AHCTF1: variants seen among roughly 807,000 people sequenced by gnomAD.
AHCTF1 encodes the protein protein ELYS.
In AHCTF1, 24 loss-of-function variants were observed where a neutral mutation model predicts 248.4. The ratio of observed to expected loss-of-function variants is 0.10; its 90% CI spans 0.07 to 0.14. The LOEUF is 0.14. Among genes scored for constraint, AHCTF1 ranks in the 10% least tolerant of loss-of-function variants. The pLI is 1.00. For synonymous variants in AHCTF1, 786 were observed against 929.8 expected (o/e 0.85, Z 2.81); for missense variants, 2,206 against 2,636.2 (o/e 0.84, Z 3.57).
rs1238920651 is a variant in AHCTF1 at position 246,857,733 on chromosome 1, T to C, written c.4214A>G (p.Gln1405Arg). 3 of 1,613,916 alleles carry C rather than the reference T, an allele frequency of 1.9e-6. No homozygotes were observed. The highest frequency in any genetic ancestry group is 2.5e-6 in the Non-Finnish European group (3 of 1,179,988). Residue 1405 changes from glutamine (Q) to arginine (R), a missense_variant, in exon 30 of 36, where the codon CAA becomes CGA. Gln to Arg is a conservative substitution (Grantham distance 43). Around this residue, in one of 6 missense-constraint regions of AHCTF1, gnomAD observed 955 missense variants for 1,055.6 expected, o/e 0.90. Coordinates refer to ENST00000648844, the MANE Select transcript of AHCTF1 (RefSeq NM_001323342.2). ...FSELNHLSPV[Q>R]GTEASLCAPS... ...TGCACAAAGAGAAGCTTCAGTTCCT[T>C]GAACCGGGCTTAAGTGATTCAATTC...
chr1:246,863,771 T>G (rs1360267447), intron 27 of AHCTF1, among the ~76,000 whole-genome samples, 153 bp downstream of exon 27: 1 of 152,310 alleles, frequency 6.6e-6, no homozygotes. Context: ...ATTAGCTCCG[T>G]TTTTAGAAGA....
chr1:246,893,373 C>T (rs1238100188), intron 14 of AHCTF1, among the ~76,000 whole-genome samples: 2 of 152,212 alleles, frequency 1.3e-5, no homozygotes, highest in Admixed American at 6.5e-5. Flanking sequence ...AATAACTTAA[C>T]TTACATTGTG....
chr1:246,925,547 G>A (rs962070954), intron 1 of AHCTF1, among the ~76,000 whole-genome samples: 3 of 152,204 alleles, frequency 2.0e-5, no homozygotes, highest in African/African-American at 7.2e-5. Flanking sequence ...TTAAGACCAG[G>A]AGTTGTAGGT....
chr1:246,921,605 T>C (rs1187292621), intron 1 of AHCTF1, among the ~76,000 whole-genome samples: 1 of 152,114 alleles, frequency 6.6e-6, no homozygotes, highest in East Asian at 1.9e-4. Context: ...AAGCAATATA[T>C]TTCCCAGATT....
chr1:246,906,306 G>A (rs1572447695), intron 5 of AHCTF1, among the ~76,000 whole-genome samples: 1 of 152,128 alleles, frequency 6.6e-6, no homozygotes, highest in Admixed American at 6.5e-5. Flanking sequence ...GCAGCCGGGC[G>A]TGGTAGCTCA....
At chr1:246,851,555 A>G in intron 32 of AHCTF1, 113 bp from the exon 33 acceptor site, 1 of 907,176 alleles carries the variant, frequency 1.1e-6, no homozygotes, top group Non-Finnish European at 1.6e-6. Context: ...CATAAATTAT[A>G]TTTAATATGG....
chr1:246,839,422 C>G lies in AHCTF1; in HGVS notation c.*1384G>C, dbSNP rs1470564840. 2.5e-6 allele frequency: 1 copy of G among 394,372 alleles called. No individual in the cohort carries two copies. The highest frequency in any genetic ancestry group is 1.6e-4 in the East Asian group (1 of 6,280). The allele number at this position is 394,372 out of a possible 1,614,324, so 24.4% of individuals were successfully genotyped here. Reference sequence around the variant, plus strand: ...AGTTCATTTAAATAAGTTCAATATTCCATAAATGACAAGCAGCTTAAATAC... The same window carrying G: ...AGTTCATTTAAATAAGTTCAATATTGCATAAATGACAAGCAGCTTAAATAC... On this transcript the variant is annotated 3_prime_UTR_variant, in exon 36 of 36. Coordinates refer to ENST00000648844, the MANE Select transcript of AHCTF1 (RefSeq NM_001323342.2).
Position 246,843,930 on chromosome 1 carries a change from T to C in AHCTF1, c.6392-2A>G. The stretch of plus-strand genomic sequence containing the variant: ...GTGCAGGAACCTCTATTTTTTTAGC[T>C]AAAAAAAGTTGAAAAAACTGTATCT... On this transcript the variant is annotated splice_acceptor_variant, in intron 33 of 35. Coordinates refer to ENST00000648844, the MANE Select transcript of AHCTF1 (RefSeq NM_001323342.2). LOFTEE classifies it high-confidence loss of function. The C allele has an allele frequency of 7.0e-7, 1 of 1,437,706 alleles. No homozygotes were observed. Among genetic ancestry groups the C allele is most frequent in the Admixed American group, 2.5e-5 (1 of 39,340 alleles). The allele number at this position is 1,437,706 out of a possible 1,614,324, so 89.1% of individuals were successfully genotyped here.
intron 1 of AHCTF1, among the ~76,000 whole-genome samples, chr1:246,930,029 G>GC (rs1365048207): frequency 6.7e-6 from 1 of 149,030 alleles, no homozygotes; most frequent in Non-Finnish European, 1.5e-5. Context: ...TCCAGCCTGG[G>GC]CAACAGAGCA....
At chr1:246,892,301 CTTTTTTTT>C (rs74163502) in intron 14 of AHCTF1, among the ~76,000 whole-genome samples, 19 of 64,966 alleles carry the variant, frequency 2.9e-4, no homozygotes, top group South Asian at 7.0e-4. Context: ...ATTTGTTTTA[CTTTTTTTT>C]TTTTTTTTTT....
At position 246,840,902 on chromosome 1, in the gene AHCTF1, T is replaced by G; in HGVS notation, c.6705A>C (p.Pro2235=). 6.2e-7 allele frequency: 1 copy of G among 1,613,702 alleles called. No homozygotes were observed. Among genetic ancestry groups the G allele is most frequent in the Non-Finnish European group, 8.5e-7 (1 of 1,179,764 alleles). ...TTCCTGTCACTTCTGTAGTTTTTCT[T>G]GGTTTGCTCTTGACTCCGTCAGCTG... is the stretch of plus-strand genomic sequence containing the variant. ...ASPADGVKSK[P]RKTTEVTGTG... Residue 2235 remains proline, a synonymous_variant, in exon 36 of 36, where the codon CCA becomes CCC. Coordinates refer to ENST00000648844, the MANE Select transcript of AHCTF1 (RefSeq NM_001323342.2).
In AHCTF1 at chr1:246,899,479, T is replaced by C. The variant is rs377608299; in HGVS notation, c.1466A>G (p.His489Arg). The change falls in exon 11 of 36, where the codon CAT becomes CGT. Residue 489 changes from histidine (H) to arginine (R), a missense_variant. His to Arg is a conservative substitution (Grantham distance 29, BLOSUM62 0). This residue lies in a region of AHCTF1 where 650 missense variants were observed against 870.8 expected (regional missense o/e 0.75). Coordinates refer to ENST00000648844, the MANE Select transcript of AHCTF1 (RefSeq NM_001323342.2). The stretch of plus-strand genomic sequence containing the variant: ...CTTCTGAAAGCCAGTACAAGTTAAA[T>C]GAACAACTCCCGAGTTTAACAAACA... The part of the protein sequence containing the change: ...ATCLLNSGVV[H>R]LTCTGFQKET... The C allele has an allele frequency of 6.2e-6, 10 of 1,609,508 alleles. No homozygotes were observed. The highest frequency in any genetic ancestry group is 5.4e-5 in the African/African-American group (4 of 74,670).
intron 20 of AHCTF1, among the ~76,000 whole-genome samples, chr1:246,886,208 A>T (rs1271174003): frequency 6.6e-6 from 1 of 152,036 alleles, no homozygotes; most frequent in Non-Finnish European, 1.5e-5. Flanking sequence ...GTGCGTACCT[A>T]TAGTCCCAGC....
intron 4 of AHCTF1, among the ~76,000 whole-genome samples, chr1:246,909,229 G>T (rs927493541): frequency 1.4e-5 from 2 of 143,650 alleles, no homozygotes; most frequent in African/African-American, 5.2e-5. Context: ...GACCAATATG[G>T]TGAAACCTCG....
intron 31 of AHCTF1, 75 bp from the exon 32 acceptor site, chr1:246,853,374 G>GA: frequency 7.9e-7 from 1 of 1,262,304 alleles, no homozygotes; most frequent in South Asian, 1.4e-5. Context: ...AAACAGAAAG[G>GA]AAAAGGCTAC....
chr1:246,841,134 G>A, intron 35 of AHCTF1, 136 bp from the exon 36 acceptor site: 2 of 689,222 alleles, frequency 2.9e-6, no homozygotes, highest in Non-Finnish European at 4.6e-6. Context: ...GGTTTCAAGG[G>A]AACTGAAGTG....
chr1:246,856,330 T>C (rs1354692875), intron 30 of AHCTF1, among the ~76,000 whole-genome samples: 1 of 152,248 alleles, frequency 6.6e-6, no homozygotes, highest in African/African-American at 2.4e-5. Context: ...TTTAATATTC[T>C]AATCTGACCT....
At chr1:246,903,367 T>C (rs1209353490) in intron 7 of AHCTF1, among the ~76,000 whole-genome samples, 1 of 152,204 alleles carries the variant, frequency 6.6e-6, no homozygotes, top group Admixed American at 6.5e-5. Flanking sequence ...GAATTATTTT[T>C]CCTGGGTACC....
intron 5 of AHCTF1, 55 bp downstream of exon 5, chr1:246,907,496 A>C (rs1205503071): frequency 6.8e-7 from 1 of 1,478,132 alleles, no homozygotes; most frequent in East Asian, 2.3e-5. Context: ...AATGAGTACA[A>C]GCTATATGCA....
Sources: gnomAD v4.1 joint callset for allele counts (sites outside exome capture counted in the v4.1 genomes callset) on GRCh38, gnomAD v4.1.1 for gene constraint, gnomAD v4.1.1 regional missense constraint, MANE v1.5 for transcripts, NCBI Gene and HGNC (gene_info 2026-07-23, HGNC 2026-07-21) for gene names.